The following AFG2A variants were observed in gnomAD, a reference collection of about 807,000 sequenced individuals.
The protein encoded by AFG2A is AAA ATPase AFG2A.
the AFG2A span, among the ~76,000 whole-genome samples, chr4:123,213,286 A>C: frequency 6.6e-6 from 1 of 152,156 alleles, no homozygotes; most frequent in Admixed American, 6.6e-5. Context: ...ATAGAATAAA[A>C]TATTTCCTGA....
chr4:123,165,388 TTAA>T, the AFG2A span, among the ~76,000 whole-genome samples: 13 of 152,160 alleles, frequency 8.5e-5, no homozygotes, highest in Admixed American at 5.9e-4. Flanking sequence ...AAATTATGTC[TTAA>T]TAAAGTTATT....
the AFG2A span, among the ~76,000 whole-genome samples, chr4:123,225,666 T>C: frequency 1.3e-5 from 2 of 152,350 alleles, no homozygotes; most frequent in South Asian, 2.1e-4. Context: ...CTTTGTTCTT[T>C]TGGCTTAGGA....
the AFG2A span, among the ~76,000 whole-genome samples, chr4:123,300,742 TG>T: frequency 1.2e-4 from 9 of 74,452 alleles, no homozygotes; most frequent in East Asian, 2.8e-4. Flanking sequence ...TATTATCCTA[TG>T]TTTTTTTTGT....
At chr4:123,174,017 C>G in the AFG2A span, among the ~76,000 whole-genome samples, 2 of 151,856 alleles carry the variant, frequency 1.3e-5, no homozygotes, top group Admixed American at 1.3e-4. Flanking sequence ...AATGGTGGAG[C>G]AGAAAAGAGA....
At chr4:123,092,700 C>T in the AFG2A span, among the ~76,000 whole-genome samples, 3 of 152,146 alleles carry the variant, frequency 2.0e-5, no homozygotes, top group Non-Finnish European at 4.4e-5. Context: ...ACTGCATTCG[C>T]ATTAGGAGCT....
At chr4:123,305,704 T>A in the AFG2A span, among the ~76,000 whole-genome samples, 7 of 152,250 alleles carry the variant, frequency 4.6e-5, no homozygotes, top group African/African-American at 9.6e-5. Flanking sequence ...GTCATTTTTT[T>A]AAATTATTAC....
At chr4:123,124,688 A>G in the AFG2A span, among the ~76,000 whole-genome samples, 8 of 152,232 alleles carry the variant, frequency 5.3e-5, no homozygotes, top group African/African-American at 1.9e-4. Flanking sequence ...TGCATACCTG[A>G]CATGTATTTC....
chr4:122,997,641 T>C, the AFG2A span, among the ~76,000 whole-genome samples: 1 of 152,222 alleles, frequency 6.6e-6, no homozygotes, highest in Admixed American at 6.5e-5. Flanking sequence ...CTTTTAATTC[T>C]TTAAGGTACA....
the AFG2A span, among the ~76,000 whole-genome samples, chr4:122,972,533 T>C: frequency 6.6e-6 from 1 of 150,866 alleles, no homozygotes; most frequent in Admixed American, 6.6e-5. Flanking sequence ...CCTCACTGAC[T>C]GTCAGTCTTT....
At chr4:122,951,400 G>C in the AFG2A span, among the ~76,000 whole-genome samples, 1 of 148,896 alleles carries the variant, frequency 6.7e-6, no homozygotes, top group East Asian at 1.9e-4. Flanking sequence ...TAGATACTAA[G>C]GGATGACTGT....
the AFG2A span, among the ~76,000 whole-genome samples, chr4:122,946,750 T>C: frequency 6.6e-6 from 1 of 152,188 alleles, no homozygotes; most frequent in Admixed American, 6.5e-5. Flanking sequence ...AATGTATCCA[T>C]ATTAAAAAAA....
chr4:122,949,670 G>A, the AFG2A span, among the ~76,000 whole-genome samples: 3 of 152,176 alleles, frequency 2.0e-5, no homozygotes, highest in Non-Finnish European at 2.9e-5. Context: ...GTCATTCTGA[G>A]AGAGCACCAC....
At chr4:123,104,195 T>C in the AFG2A span, among the ~76,000 whole-genome samples, 9 of 152,220 alleles carry the variant, frequency 5.9e-5, no homozygotes, top group Non-Finnish European at 1.3e-4. Context: ...TTGGTGATTT[T>C]TGTAATATTT....
At chr4:123,186,881 G>C in the AFG2A span, among the ~76,000 whole-genome samples, 2 of 152,098 alleles carry the variant, frequency 1.3e-5, no homozygotes, top group South Asian at 4.2e-4. Context: ...GTGGAGAGGG[G>C]GACAGCTTTG....
At chr4:123,087,075 C>T in the AFG2A span, among the ~76,000 whole-genome samples, 1 of 152,176 alleles carries the variant, frequency 6.6e-6, no homozygotes. Context: ...TTGATGTGTA[C>T]TCAATTTCTT....
the AFG2A span, among the ~76,000 whole-genome samples, chr4:123,201,992 A>T: frequency 6.6e-6 from 1 of 152,224 alleles, no homozygotes; most frequent in African/African-American, 2.4e-5. Flanking sequence ...ATGAAAGTTC[A>T]AAGTCTTTTG....
chr4:122,925,101 C>A, the AFG2A span, among the ~76,000 whole-genome samples: 1 of 152,106 alleles, frequency 6.6e-6, no homozygotes, highest in African/African-American at 2.4e-5. Context: ...CAGTTTTTCC[C>A]GCTGCAAAAT....
chr4:123,312,387 A>T, the AFG2A span, among the ~76,000 whole-genome samples: 1 of 152,138 alleles, frequency 6.6e-6, no homozygotes, highest in Non-Finnish European at 1.5e-5. Flanking sequence ...TAGCCTTGCA[A>T]CCATTGCTTC....
chr4:122,948,779 A>G, the AFG2A span, among the ~76,000 whole-genome samples: 1 of 151,982 alleles, frequency 6.6e-6, no homozygotes, highest in African/African-American at 2.4e-5. Context: ...AGCAACTTCC[A>G]CATGGCAACC....
Sources: gnomAD v4.1 joint callset for allele counts (sites outside exome capture counted in the v4.1 genomes callset) on GRCh38, gnomAD v4.1.1 for gene constraint, MANE v1.5 for transcripts, NCBI Gene and HGNC (gene_info 2026-07-23, HGNC 2026-07-21) for gene names.